Variants in CLSTN2 observed in about 807,000 individuals in gnomAD.
The protein encoded by CLSTN2 is calsyntenin 2.
A neutral mutation model predicts 101.2 loss-of-function variants in CLSTN2; 48 were observed. The ratio of observed to expected loss-of-function variants is 0.47; its 90% CI spans 0.38 to 0.60. CLSTN2 has a LOEUF of 0.60. Ranked by LOEUF, CLSTN2 falls within the 20% of genes least tolerant of loss-of-function variation. The probability of loss-of-function intolerance (pLI) is 0.00; values close to 1 mark genes in which losing one functional copy is unlikely to be tolerated. For missense variants in CLSTN2, 1,160 were observed against 1,238.2 expected (o/e 0.94, Z 0.95); for synonymous variants, 481 against 463.6 (o/e 1.04, Z -0.48).
At chr3:140,371,921 A>G (rs977558257) in intron 2 of CLSTN2, among the ~76,000 whole-genome samples, 1 of 152,170 alleles carries the variant, frequency 6.6e-6, no homozygotes, top group African/African-American at 2.4e-5. Context: ...TTGATGTTTC[A>G]TGATGGGCTG....
At chr3:140,166,689 G>A (rs1284854411) in intron 1 of CLSTN2, among the ~76,000 whole-genome samples, 2 of 152,106 alleles carry the variant, frequency 1.3e-5, no homozygotes, top group African/African-American at 4.8e-5. Context: ...AGGCACATTG[G>A]GTGGCAAGAC....
At chr3:140,275,792 C>A (rs1576495356) in intron 2 of CLSTN2, among the ~76,000 whole-genome samples, 1 of 152,164 alleles carries the variant, frequency 6.6e-6, no homozygotes, top group Non-Finnish European at 1.5e-5. Context: ...AGTAACTACA[C>A]AAGCCATGGA....
rs777114489 is a variant in CLSTN2 at position 140,563,942 on chromosome 3, A to G, written c.2483-19A>G. 1 of 1,611,430 alleles carries G rather than the reference A, an allele frequency of 6.2e-7. No homozygotes were observed. Among genetic ancestry groups the G allele is most frequent in the Admixed American group, 1.7e-5 (1 of 59,928 alleles). ...AGGCCTTTGTTCACCATGTCATGCG[A>G]GTTTTTTCCTTGTTCCAGTGGTCCC... On this transcript the variant is annotated intron_variant, in intron 15 of 16. Transcript: ENST00000458420.
At chr3:140,348,791 C>T (rs1430591191) in intron 2 of CLSTN2, among the ~76,000 whole-genome samples, 3 of 152,150 alleles carry the variant, frequency 2.0e-5, no homozygotes, top group East Asian at 1.9e-4. Context: ...ATTCCTTCCC[C>T]GAAGGTTCCA....
At chr3:140,312,656 C>T (rs1451895290) in intron 2 of CLSTN2, among the ~76,000 whole-genome samples, 4 of 152,152 alleles carry the variant, frequency 2.6e-5, no homozygotes, top group African/African-American at 9.7e-5. Flanking sequence ...TTGTCAGGAG[C>T]CAGGATAAGC....
intron 2 of CLSTN2, among the ~76,000 whole-genome samples, chr3:140,246,984 A>C (rs895941767): frequency 3.9e-5 from 6 of 152,196 alleles, no homozygotes; most frequent in African/African-American, 1.4e-4. Context: ...CTGGTGCTCA[A>C]TACCTGGGGG....
intron 1 of CLSTN2, among the ~76,000 whole-genome samples, chr3:140,130,984 T>C (rs766533331): frequency 1.1e-4 from 16 of 152,098 alleles, no homozygotes; most frequent in Non-Finnish European, 2.1e-4. Context: ...TGGACCCCTT[T>C]CAATAACAGC....
At chr3:139,965,675 T>A (rs569360313) in intron 1 of CLSTN2, among the ~76,000 whole-genome samples, 1 of 152,338 alleles carries the variant, frequency 6.6e-6, no homozygotes, top group South Asian at 2.1e-4. Flanking sequence ...GGCTCAGCCC[T>A]TTTCAGAACC....
rs550508073 is a variant in CLSTN2, at chr3:140,014,296, C to G, written c.109+78813C>G. On this transcript the variant is annotated intron_variant, in intron 1 of 16. Coordinates refer to ENST00000458420, the MANE Select transcript of CLSTN2 (RefSeq NM_022131.3). ...CTGCAGTGCAGTGGTACTATTTTGCCTCACAGCAACCTCTACCTCCCGGGT... is the reference window on the plus strand; with the variant it reads ...CTGCAGTGCAGTGGTACTATTTTGCGTCACAGCAACCTCTACCTCCCGGGT... Among the ~76,000 whole-genome samples the G allele has an allele frequency of 9.2e-5, 14 of 152,190 alleles. No homozygotes were observed. In the South Asian group the frequency reaches 2.9e-3, roughly 32 times the overall value.
chr3:140,289,362 A>AG (rs1200535005), intron 2 of CLSTN2, among the ~76,000 whole-genome samples: 11 of 151,252 alleles, frequency 7.3e-5, no homozygotes, highest in Admixed American at 4.6e-4. Context: ...TTGTTTTTGC[A>AG]GGGGGGCGGG....
intron 8 of CLSTN2, among the ~76,000 whole-genome samples, chr3:140,516,140 A>G (rs1039641881): frequency 2.6e-5 from 4 of 152,144 alleles, no homozygotes; most frequent in African/African-American, 4.8e-5. Flanking sequence ...TTTTTCTGAT[A>G]TAAGAATAGC....
intron 5 of CLSTN2, among the ~76,000 whole-genome samples, chr3:140,431,564 C>G (rs2088628937): frequency 6.6e-6 from 1 of 152,218 alleles, no homozygotes. Flanking sequence ...AATCTCTCCT[C>G]TTTATCAATA....
At chr3:140,427,026 A>G (rs2088572152) in intron 5 of CLSTN2, among the ~76,000 whole-genome samples, 1 of 151,400 alleles carries the variant, frequency 6.6e-6, no homozygotes, top group African/African-American at 2.4e-5. Context: ...AACACAAAAT[A>G]TTAGCCAGGC....
chr3:140,263,552 C>T (rs1320997805), intron 2 of CLSTN2, among the ~76,000 whole-genome samples: 1 of 152,102 alleles, frequency 6.6e-6, no homozygotes, highest in African/African-American at 2.4e-5. Context: ...AAACAGGGAG[C>T]CTAATTACCA....
rs2087326559 is a variant in CLSTN2, at chr3:140,325,747, C to T, written c.233-77882C>T. ...TTCCTCCTTCCTTTCTTCTCCTCTA[C>T]CTTTGCCTCTTAAAAAGTTCTAAGT... On this transcript the variant is annotated intron_variant, in intron 2 of 16. Coordinates refer to ENST00000458420, the MANE Select transcript of CLSTN2 (RefSeq NM_022131.3). Among the ~76,000 whole-genome samples, 7 of 152,300 alleles carry T rather than the reference C, an allele frequency of 4.6e-5. No individual in the cohort carries two copies. In the South Asian group the frequency reaches 1.5e-3, roughly 32 times the overall value.
chr3:140,546,514 G>A lies in CLSTN2; in HGVS notation c.1508-1G>A. The A allele has an allele frequency of 6.2e-7, 1 of 1,612,982 alleles. No individual in the cohort carries two copies. Among genetic ancestry groups the A allele is most frequent in the Non-Finnish European group, 8.5e-7 (1 of 1,179,526 alleles). ...GCAAATGATGGTGTTTGTTTTTTCA[G>A]GAGGAGAAGTCACCAAACCACAGTT... On this transcript the variant is annotated splice_acceptor_variant, in intron 9 of 16. Coordinates refer to ENST00000458420, the MANE Select transcript of CLSTN2 (RefSeq NM_022131.3). LOFTEE classifies it high-confidence loss of function.
intron 1 of CLSTN2, among the ~76,000 whole-genome samples, chr3:140,083,181 A>G (rs939821069): frequency 6.6e-6 from 1 of 152,036 alleles, no homozygotes; most frequent in Non-Finnish European, 1.5e-5. Context: ...ATTTGTTTGT[A>G]TGATGATTTG....
intron 9 of CLSTN2, among the ~76,000 whole-genome samples, chr3:140,542,303 C>T (rs1306152543): frequency 1.3e-5 from 2 of 152,164 alleles, no homozygotes; most frequent in African/African-American, 4.8e-5. Context: ...GACCATGGTT[C>T]ACATCTTAAA....
Position 139,962,145 on chromosome 3 carries a change from G to A in CLSTN2, c.109+26662G>A, listed in dbSNP as rs1270983793. Among the ~76,000 whole-genome samples the A allele has an allele frequency of 3.9e-5, 6 of 152,046 alleles. No homozygotes were observed. In the East Asian group the frequency reaches 1.2e-3, roughly 29 times the overall value. On this transcript the variant is annotated intron_variant, in intron 1 of 16. Transcript: ENST00000458420. ...ATGTCCTTAGGATACAGTTCTAAAG[G>A]AAATATCAAAGAATAAAAACATTTT...
Sources: gnomAD v4.1 joint callset for allele counts (sites outside exome capture counted in the v4.1 genomes callset) on GRCh38, gnomAD v4.1.1 for gene constraint, MANE v1.5 for transcripts, NCBI Gene and HGNC (gene_info 2026-07-23, HGNC 2026-07-21) for gene names.